Variants in KCTD20 observed in about 807,000 individuals in gnomAD.
KCTD20 encodes the protein potassium channel tetramerization domain containing 20.
KCTD20 carries 30 observed loss-of-function variants against 39.6 expected under a neutral mutation model. The ratio of observed to expected loss-of-function variants is 0.76; its 90% CI spans 0.57 to 1.03. KCTD20 has a LOEUF of 1.03. Ranked by LOEUF, KCTD20 falls within the 50% of genes least tolerant of loss-of-function variation. KCTD20 has a pLI of 0.00. For missense variants in KCTD20, 422 were observed against 522.0 expected, an observed-to-expected ratio of 0.81 and a Z score of 1.87; for synonymous variants, 162 against 180.6, an observed-to-expected ratio of 0.90 and a Z score of 0.83.
At chr6:36,457,066 C>T (rs1353694070) in intron 1 of KCTD20, among the ~76,000 whole-genome samples, 1 of 151,934 alleles carries the variant, frequency 6.6e-6, no homozygotes, top group Admixed American at 6.6e-5. Flanking sequence ...CCAAAGTGCT[C>T]GGATTACAGG....
At chr6:36,485,908 G>A (rs1464530742) in intron 7 of KCTD20, among the ~76,000 whole-genome samples, 1 of 151,782 alleles carries the variant, frequency 6.6e-6, no homozygotes, top group Non-Finnish European at 1.5e-5. Flanking sequence ...AAAGTTGGAG[G>A]ACTTTTTTTT....
intron 1 of KCTD20, among the ~76,000 whole-genome samples, chr6:36,447,913 C>A (rs924292549): frequency 6.6e-6 from 1 of 151,078 alleles, no homozygotes; most frequent in Non-Finnish European, 1.5e-5. Context: ...ATCGATTGAA[C>A]CCAGAAGGTG....
intron 1 of KCTD20, among the ~76,000 whole-genome samples, chr6:36,447,515 A>T (rs1775083237): frequency 6.6e-6 from 1 of 152,030 alleles, no homozygotes; most frequent in Non-Finnish European, 1.5e-5. Context: ...CTGTAAGCCC[A>T]GTTACTGGGG....
chr6:36,452,541 C>CTTTTTTTTTTT (rs57480327), intron 1 of KCTD20: 1 of 126,892 alleles, frequency 7.9e-6, no homozygotes. Context: ...TCTTCATTTT[C>CTTTTTTTTTTT]TTTTTTTTTT....
chr6:36,481,540 C>T (rs1269776695), intron 5 of KCTD20, 22 bp from the exon 6 acceptor site: 2 of 1,577,300 alleles, frequency 1.3e-6, no homozygotes, highest in Non-Finnish European at 8.7e-7. Flanking sequence ...AAAGCATGTT[C>T]ACCTACATTT....
chr6:36,487,870 A>G lies in KCTD20; in HGVS notation c.*695A>G, dbSNP rs916333763. 10 of 152,208 alleles carry G rather than the reference A, an allele frequency of 6.6e-5. No homozygotes were observed. Among genetic ancestry groups the G allele is most frequent in the African/African-American group, 2.4e-4 (10 of 41,444 alleles). 9.4% of individuals were successfully genotyped at this position (152,208 alleles called of 1,614,324 possible). A position where few individuals can be genotyped will look rare whatever the true frequency, so the allele number is the denominator to read the frequency against. ...TTTTAGCTTCAAGGTTTCGGAGTCT[A>G]AACAAATGGATGATTCATTTGGAAT... On this transcript the variant is annotated 3_prime_UTR_variant, in exon 8 of 8. Coordinates refer to ENST00000373731, the MANE Select transcript of KCTD20 (RefSeq NM_173562.5).
chr6:36,465,035 C>T (rs900392703), intron 1 of KCTD20, among the ~76,000 whole-genome samples: 29 of 152,028 alleles, frequency 1.9e-4, no homozygotes, highest in African/African-American at 6.5e-4. Flanking sequence ...TGGTGGCTCA[C>T]GCCTGTAATC....
intron 3 of KCTD20, among the ~76,000 whole-genome samples, chr6:36,478,723 G>T (rs1207407536): frequency 2.0e-5 from 3 of 152,124 alleles, no homozygotes; most frequent in Non-Finnish European, 4.4e-5. Flanking sequence ...CCTAGATGCT[G>T]TCTTTCTGAG....
At chr6:36,472,537 A>G (rs540003705) in intron 2 of KCTD20, among the ~76,000 whole-genome samples, 1 of 139,212 alleles carries the variant, frequency 7.2e-6, no homozygotes, top group African/African-American at 2.9e-5. Flanking sequence ...TTGTATTGAT[A>G]ACTTTTTTTT....
chr6:36,462,191 T>C (rs1775621068), intron 1 of KCTD20, among the ~76,000 whole-genome samples: 1 of 152,220 alleles, frequency 6.6e-6, no homozygotes, highest in Non-Finnish European at 1.5e-5. Flanking sequence ...AGTATGATGA[T>C]AACAACCCTT....
chr6:36,458,321 C>T (rs552217436), intron 1 of KCTD20, among the ~76,000 whole-genome samples: 10 of 151,676 alleles, frequency 6.6e-5, no homozygotes, highest in Admixed American at 2.6e-4. Flanking sequence ...GGCGGATCAC[C>T]TGAGGTCGAG....
At position 36,491,031 on chromosome 6, in the gene KCTD20, A is replaced by G. The variant is rs1776571977; in HGVS notation, c.*3856A>G. The G allele has an allele frequency of 6.6e-6, 1 of 152,180 alleles. No individual in the cohort carries two copies. Among genetic ancestry groups the G allele is most frequent in the Admixed American group, 6.5e-5 (1 of 15,280 alleles). 9.4% of individuals were successfully genotyped at this position (152,180 alleles called of 1,614,324 possible). A position where few individuals can be genotyped will look rare whatever the true frequency, so the allele number is the denominator to read the frequency against. ...TTTCTTCTGAAGGCAAAATGCTTGT[A>G]GGTTTTGCCTCTACTTTGTATTTAC... On this transcript the variant is annotated 3_prime_UTR_variant, in exon 8 of 8. Coordinates refer to ENST00000373731, the MANE Select transcript of KCTD20 (RefSeq NM_173562.5).
chr6:36,487,109 A>T lies in KCTD20; in HGVS notation c.1194A>T (p.Gln398His). The T allele has an allele frequency of 1.2e-6, 2 of 1,614,114 alleles. No individual in the cohort carries two copies. Among genetic ancestry groups the T allele is most frequent in the Non-Finnish European group, 1.7e-6 (2 of 1,179,984 alleles). The change falls in exon 8 of 8, where the codon CAA becomes CAT. Residue 398 changes from glutamine to histidine, a missense_variant. Transcript: ENST00000373731. ...AGATATTAATGCATCACCCACCCCAAGTGGATGAACTTGACCGGCTAAATG... is the reference window on the plus strand; with the variant it reads ...AGATATTAATGCATCACCCACCCCATGTGGATGAACTTGACCGGCTAAATG... ...DQEILMHHPP[Q>H]VDELDRLNAP...
chr6:36,470,412 A>C (rs1775876941), intron 2 of KCTD20, among the ~76,000 whole-genome samples, 155 bp downstream of exon 2: 1 of 152,068 alleles, frequency 6.6e-6, no homozygotes, highest in South Asian at 2.1e-4. Flanking sequence ...CTTCACAGAA[A>C]CTCTCCACTT....
At chr6:36,477,971 T>C (rs892803531) in intron 3 of KCTD20, among the ~76,000 whole-genome samples, 2 of 150,806 alleles carry the variant, frequency 1.3e-5, no homozygotes, top group African/African-American at 2.4e-5. Flanking sequence ...GGCGGGCGCC[T>C]GTAGTCCCAA....
intron 1 of KCTD20, among the ~76,000 whole-genome samples, chr6:36,458,810 G>A (rs183140896): frequency 1.6e-4 from 24 of 151,808 alleles, no homozygotes; most frequent in Admixed American, 3.3e-4. Flanking sequence ...GGGCAACATA[G>A]TGAGACCCTG....
chr6:36,476,953 G>A (rs1381137129), intron 3 of KCTD20, among the ~76,000 whole-genome samples: 2 of 152,160 alleles, frequency 1.3e-5, no homozygotes, highest in Non-Finnish European at 2.9e-5. Context: ...TGAAAGTAGT[G>A]ATCAAGAGAA....
intron 1 of KCTD20, among the ~76,000 whole-genome samples, chr6:36,458,872 G>A (rs1351911357): frequency 6.6e-6 from 1 of 152,018 alleles, no homozygotes; most frequent in African/African-American, 2.4e-5. Context: ...AGGCATGGTG[G>A]CATGTATCTG....
intron 6 of KCTD20, 93 bp from the exon 7 acceptor site, chr6:36,484,621 C>G (rs1776361584): frequency 1.6e-6 from 1 of 619,146 alleles, no homozygotes; most frequent in Admixed American, 2.6e-5. Flanking sequence ...GATTAGGAGT[C>G]AAGTATATCC....
Sources: gnomAD v4.1 joint callset for allele counts (sites outside exome capture counted in the v4.1 genomes callset) on GRCh38, gnomAD v4.1.1 for gene constraint, MANE v1.5 for transcripts, NCBI Gene and HGNC (gene_info 2026-07-23, HGNC 2026-07-21) for gene names.